The following LPGAT1 variants were observed in gnomAD, a reference collection of about 807,000 sequenced individuals.
LPGAT1 encodes acyl-CoA:lysophosphatidylglycerol acyltransferase 1.
In LPGAT1, 11 loss-of-function variants were observed where a neutral mutation model predicts 47.5. The observed-to-expected ratio is 0.23, with a 90% CI of 0.15 to 0.38. LPGAT1 has a LOEUF of 0.38. Among genes scored for constraint, LPGAT1 ranks in the 10% least tolerant of loss-of-function variants. The pLI is 1.00. For missense variants in LPGAT1, 293 were observed against 439.0 expected (o/e 0.67, Z 2.97); for synonymous variants, 138 against 144.2 (o/e 0.96, Z 0.31).
intron 2 of LPGAT1, among the ~76,000 whole-genome samples, chr1:211,820,826 G>A (rs979539430): frequency 6.6e-6 from 1 of 151,950 alleles, no homozygotes; most frequent in African/African-American, 2.4e-5. Flanking sequence ...ATGAAAATAC[G>A]TTTGAATCTA....
At chr1:211,783,784 G>C (rs946735682) in intron 4 of LPGAT1, among the ~76,000 whole-genome samples, 11 of 152,166 alleles carry the variant, frequency 7.2e-5, no homozygotes, top group African/African-American at 2.7e-4. Flanking sequence ...CTTACTGAGT[G>C]CCTGCTATGT....
chr1:211,755,337 C>CA (rs879446099), intron 6 of LPGAT1, among the ~76,000 whole-genome samples: 26 of 145,070 alleles, frequency 1.8e-4, no homozygotes, highest in Non-Finnish European at 3.8e-4. Flanking sequence ...GACTCCGTCT[C>CA]AAAAAAAATA....
Position 211,783,252 on chromosome 1 carries a change from G to A in LPGAT1, c.704C>T (p.Ala235Val). The change falls in exon 5 of 8, where the codon GCA (alanine) becomes GTA (valine). Residue 235 changes from alanine (A) to valine (V), a missense_variant. Coordinates refer to ENST00000366997, the MANE Select transcript of LPGAT1 (RefSeq NM_014873.3). ...ACCTAATTCTTTAGCATCTCCTCCT[G>A]CTGGACTTCCATTTTTCTGTTGTGC... Reference protein sequence around the residue: ...LVAQQKNGSPAGGDAKELDSK... With the variant: ...LVAQQKNGSPVGGDAKELDSK... The A allele has an allele frequency of 6.2e-7, 1 of 1,612,458 alleles. No homozygotes were observed. The highest frequency in any genetic ancestry group is 8.5e-7 in the Non-Finnish European group (1 of 1,178,600).
At chr1:211,817,679 C>T (rs1432574569) in intron 2 of LPGAT1, among the ~76,000 whole-genome samples, 2 of 151,932 alleles carry the variant, frequency 1.3e-5, no homozygotes, top group East Asian at 3.8e-4. Context: ...AAACAACTGG[C>T]AACATTTTAC....
At chr1:211,824,252 C>T (rs998066099) in intron 2 of LPGAT1, among the ~76,000 whole-genome samples, 15 of 152,002 alleles carry the variant, frequency 9.9e-5, no homozygotes, top group African/African-American at 2.7e-4. Context: ...CAAAATTAGC[C>T]GGGCACGGTG....
intron 2 of LPGAT1, among the ~76,000 whole-genome samples, chr1:211,814,819 G>A (rs891385599): frequency 5.3e-5 from 8 of 151,708 alleles, no homozygotes; most frequent in East Asian, 1.9e-4. Context: ...ATTCATCTTC[G>A]ACCCACTCCA....
In LPGAT1 at chr1:211,744,188, T is replaced by C. The variant is rs1267394650; in HGVS notation, c.*5711A>G. 1 of 152,142 alleles carries C rather than the reference T, an allele frequency of 6.6e-6. No individual in the cohort carries two copies. The highest frequency in any genetic ancestry group is 2.4e-5 in the African/African-American group (1 of 41,428). The allele number at this position is 152,142 out of a possible 1,614,324, so 9.4% of individuals were successfully genotyped here. On this transcript the variant is annotated 3_prime_UTR_variant, in exon 8 of 8. Coordinates refer to ENST00000366997, the MANE Select transcript of LPGAT1 (RefSeq NM_014873.3). ...CTGAGTTCAGCAAGTAGATTAACTA[T>C]GAGAAGTTTATTCAACACTAATAGT...
chr1:211,788,790 T>A (rs1658990851), intron 3 of LPGAT1, among the ~76,000 whole-genome samples: 1 of 152,150 alleles, frequency 6.6e-6, no homozygotes. Context: ...TTAACTAAAG[T>A]GAAAGCTACA....
Position 211,747,370 on chromosome 1 carries a change from T to C in LPGAT1, c.*2529A>G, listed in dbSNP as rs1350716691. 6.6e-6 allele frequency: 1 copy of C among 152,166 alleles called. No homozygotes were observed. The highest frequency in any genetic ancestry group is 1.5e-5 in the Non-Finnish European group (1 of 68,030). 9.4% of individuals were successfully genotyped at this position (152,166 alleles called of 1,614,324 possible). On this transcript the variant is annotated 3_prime_UTR_variant, in exon 8 of 8. Transcript: ENST00000366997. ...CAACTCACGGAGATATTTAAAAAAA[T>C]TAACTCACATATCTATTGGCATTTG...
At chr1:211,763,063 C>T (rs1165230041) in intron 6 of LPGAT1, among the ~76,000 whole-genome samples, 1 of 152,086 alleles carries the variant, frequency 6.6e-6, no homozygotes, top group Non-Finnish European at 1.5e-5. Context: ...AGAACTACTG[C>T]GTGAGTTTAA....
intron 2 of LPGAT1, among the ~76,000 whole-genome samples, chr1:211,802,741 TAA>T (rs1413716199): frequency 2.6e-5 from 4 of 152,100 alleles, no homozygotes; most frequent in Non-Finnish European, 5.9e-5. Flanking sequence ...AAGATGTAGT[TAA>T]AGAGCATTTG....
chr1:211,768,621 GTCAAAACACATATC>G (rs1361470457), intron 6 of LPGAT1, among the ~76,000 whole-genome samples: 1 of 152,184 alleles, frequency 6.6e-6, no homozygotes, highest in Non-Finnish European at 1.5e-5. Flanking sequence ...GTTAATATGT[GTCAAAACACATATC>G]TCTATCGTGT....
chr1:211,794,946 C>T (rs77857843), intron 2 of LPGAT1, among the ~76,000 whole-genome samples: 367 of 152,204 alleles, frequency 2.4e-3, no homozygotes, highest in African/African-American at 8.4e-3. Context: ...GTACACAAGG[C>T]TACTCACTGC....
At chr1:211,778,590 C>G (rs1658511556) in intron 6 of LPGAT1, among the ~76,000 whole-genome samples, 1 of 152,082 alleles carries the variant, frequency 6.6e-6, no homozygotes, top group Admixed American at 6.5e-5. Context: ...GATCAGGACC[C>G]CTTTTCTGTA....
chr1:211,779,873 T>C (rs1658565529), intron 5 of LPGAT1, among the ~76,000 whole-genome samples: 1 of 122,278 alleles, frequency 8.2e-6, no homozygotes, highest in African/African-American at 3.3e-5. Flanking sequence ...AATAAATAAA[T>C]AAATAAATAA....
chr1:211,816,563 G>T (rs1660184887), intron 2 of LPGAT1, among the ~76,000 whole-genome samples: 1 of 152,138 alleles, frequency 6.6e-6, no homozygotes, highest in African/African-American at 2.4e-5. Context: ...GGCCTGAATA[G>T]CCTCAGATAT....
intron 6 of LPGAT1, among the ~76,000 whole-genome samples, chr1:211,768,511 G>T (rs530416269): frequency 1.3e-5 from 2 of 152,090 alleles, no homozygotes; most frequent in South Asian, 4.2e-4. Flanking sequence ...AACATTTATC[G>T]TTTAGACTTT....
At chr1:211,785,098 CAG>C (rs1558267661) in intron 4 of LPGAT1, among the ~76,000 whole-genome samples, 1 of 152,110 alleles carries the variant, frequency 6.6e-6, no homozygotes, top group Non-Finnish European at 1.5e-5. Flanking sequence ...CCACTGCGCC[CAG>C]CCGGTTCTTT....
At chr1:211,815,521 C>T (rs1000746008) in intron 2 of LPGAT1, among the ~76,000 whole-genome samples, 5 of 152,182 alleles carry the variant, frequency 3.3e-5, no homozygotes, top group African/African-American at 1.2e-4. Flanking sequence ...CACACACTGG[C>T]TTCTCTTGAG....
Sources: gnomAD v4.1 joint callset for allele counts (sites outside exome capture counted in the v4.1 genomes callset) on GRCh38, gnomAD v4.1.1 for gene constraint, MANE v1.5 for transcripts, NCBI Gene and HGNC (gene_info 2026-07-23, HGNC 2026-07-21) for gene names.